The following PLCL1 variants were observed in gnomAD, a reference collection of about 807,000 sequenced individuals.
The protein encoded by PLCL1 is inactive phospholipase C-like protein 1.
In PLCL1, 41 loss-of-function variants were observed where a neutral mutation model predicts 84.4. The ratio of observed to expected loss-of-function variants is 0.49; its 90% confidence interval spans 0.38 to 0.63. PLCL1 has a LOEUF of 0.63. Ranked by LOEUF, PLCL1 falls within the 30% of genes least tolerant of loss-of-function variation. PLCL1 has a pLI of 0.00. For synonymous variants in PLCL1, 490 were observed against 488.3 expected (o/e 1.00, Z -0.05); for missense variants, 1,206 against 1,367.8 (o/e 0.88, Z 1.87).
intron 1 of PLCL1, among the ~76,000 whole-genome samples, chr2:198,056,939 G>A (rs1212434664): frequency 6.6e-6 from 1 of 152,110 alleles, no homozygotes; most frequent in Non-Finnish European, 1.5e-5. Context: ...TTGATTTGGG[G>A]TTTTTGAATA....
At chr2:197,837,206 G>A (rs145590062) in intron 1 of PLCL1, among the ~76,000 whole-genome samples, 2,395 of 152,172 alleles carry the variant, frequency 0.016, 31 homozygotes, top group Non-Finnish European at 0.025. Flanking sequence ...GGTGAAGATG[G>A]GATATCCTAA....
chr2:198,054,426 C>T (rs1692014240), intron 1 of PLCL1, among the ~76,000 whole-genome samples: 2 of 152,178 alleles, frequency 1.3e-5, no homozygotes, highest in East Asian at 1.9e-4. Context: ...ACATCTTAGG[C>T]GACAAGACAA....
At chr2:198,031,226 A>T (rs2105849338) in intron 1 of PLCL1, among the ~76,000 whole-genome samples, 1 of 150,728 alleles carries the variant, frequency 6.6e-6, no homozygotes, top group Non-Finnish European at 1.5e-5. Flanking sequence ...AAAAAAAAAT[A>T]GCCAATAGCT....
rs1419646425 is a variant in PLCL1 at position 198,103,892 on chromosome 2, A to C, written c.3061A>C (p.Asn1021His). 9 of 1,608,118 alleles carry C rather than the reference A, an allele frequency of 5.6e-6. No individual in the cohort carries two copies. Among genetic ancestry groups the C allele is most frequent in the Non-Finnish European group, 6.8e-6 (8 of 1,176,752 alleles). Residue 1021 changes from asparagine (N) to histidine (H), a missense_variant, in exon 5 of 6, where the codon AAC (asparagine) becomes CAC (histidine). Transcript: ENST00000428675. The stretch of plus-strand genomic sequence containing the variant: ...AGAAGGCTTGAAGGGAAGAAAACTC[A>C]ACAAAGCAACTGAGAGCTTTGCTTG... The part of the protein sequence containing the change: ...AKEGLKGRKL[N>H]KATESFAWNI...
rs1690874655 is a variant in PLCL1, at chr2:198,011,805, T to C, written c.241-71953T>C. On this transcript the variant is annotated intron_variant, in intron 1 of 5. Coordinates refer to ENST00000428675, the MANE Select transcript of PLCL1 (RefSeq NM_006226.4). ...TGCTGTAATGTTAAGTACATATCTG[T>C]TTTTTTACTGTTATATCTTCCTGGT... Among the ~76,000 whole-genome samples the C allele has an allele frequency of 2.0e-5, 3 of 152,102 alleles. No individual in the cohort carries two copies. The South Asian group carries it at 6.2e-4, about 31-fold the overall frequency.
intron 1 of PLCL1, among the ~76,000 whole-genome samples, chr2:197,812,450 A>G (rs576283347): frequency 6.6e-6 from 1 of 152,278 alleles, no homozygotes; most frequent in African/African-American, 2.4e-5. Context: ...CCACAACTTC[A>G]CCAACATTTG....
intron 1 of PLCL1, among the ~76,000 whole-genome samples, chr2:197,894,526 T>C (rs17669941): frequency 0.018 from 2,719 of 152,094 alleles, 71 homozygotes; most frequent in Middle Eastern, 0.027. Context: ...TAGCTCATTT[T>C]TTTTTGGGTG....
chr2:198,003,052 G>T (rs1228338387), intron 1 of PLCL1, among the ~76,000 whole-genome samples: 1 of 151,866 alleles, frequency 6.6e-6, no homozygotes, highest in East Asian at 1.9e-4. Context: ...TGGATGTACT[G>T]TCCGCCCTTC....
chr2:198,034,460 G>T (rs1691506251), intron 1 of PLCL1, among the ~76,000 whole-genome samples: 3 of 152,086 alleles, frequency 2.0e-5, no homozygotes, highest in Admixed American at 2.0e-4. Flanking sequence ...CAATAACAAA[G>T]ACCTGGAACC....
intron 1 of PLCL1, among the ~76,000 whole-genome samples, chr2:197,832,280 A>G (rs773159631): frequency 6.6e-5 from 10 of 152,200 alleles, no homozygotes; most frequent in Non-Finnish European, 1.2e-4. Flanking sequence ...AGAAGAAAAG[A>G]GAGAAGAATC....
At chr2:197,962,884 T>A (rs1411179874) in intron 1 of PLCL1, among the ~76,000 whole-genome samples, 6 of 152,122 alleles carry the variant, frequency 3.9e-5, no homozygotes, top group Admixed American at 1.3e-4. Flanking sequence ...GTTCTGCCTA[T>A]GTTTTTGCAA....
At chr2:197,978,164 A>G (rs746037231) in intron 1 of PLCL1, among the ~76,000 whole-genome samples, 1 of 152,248 alleles carries the variant, frequency 6.6e-6, no homozygotes, top group Non-Finnish European at 1.5e-5. Context: ...CAATTTTACC[A>G]TAGGCTGATT....
chr2:197,912,238 A>G (rs993676374), intron 1 of PLCL1, among the ~76,000 whole-genome samples: 1 of 152,076 alleles, frequency 6.6e-6, no homozygotes, highest in Non-Finnish European at 1.5e-5. Flanking sequence ...TCAAAACCAC[A>G]ATGAGATACC....
intron 5 of PLCL1, among the ~76,000 whole-genome samples, chr2:198,110,979 C>G (rs1249954433): frequency 6.6e-6 from 1 of 151,736 alleles, no homozygotes; most frequent in African/African-American, 2.4e-5. Flanking sequence ...TAATAATAAA[C>G]CATCCTTAAT....
chr2:198,024,002 G>A (rs1344537711), intron 1 of PLCL1, among the ~76,000 whole-genome samples: 1 of 152,108 alleles, frequency 6.6e-6, no homozygotes, highest in Non-Finnish European at 1.5e-5. Flanking sequence ...TAACCCAAAT[G>A]CCCATCAATG....
intron 1 of PLCL1, among the ~76,000 whole-genome samples, chr2:197,976,368 CTT>C (rs958990636): frequency 3.9e-5 from 6 of 152,332 alleles, no homozygotes; most frequent in African/African-American, 1.2e-4. Flanking sequence ...CTGCTAAACA[CTT>C]TACCTGGTGT....
intron 1 of PLCL1, among the ~76,000 whole-genome samples, chr2:197,836,762 T>C (rs1004755665): frequency 1.3e-5 from 2 of 152,220 alleles, no homozygotes; most frequent in Admixed American, 1.3e-4. Context: ...TCTCTGTTGC[T>C]CAGGCTGGAG....
At chr2:198,136,639 G>T (rs1342373515) in intron 5 of PLCL1, among the ~76,000 whole-genome samples, 1 of 152,080 alleles carries the variant, frequency 6.6e-6, no homozygotes, top group Non-Finnish European at 1.5e-5. Flanking sequence ...TATGTGGAAG[G>T]CTTGTGGGGG....
intron 1 of PLCL1, among the ~76,000 whole-genome samples, chr2:198,012,671 G>A (rs1389809164): frequency 6.7e-6 from 1 of 150,192 alleles, no homozygotes; most frequent in Non-Finnish European, 1.5e-5. Context: ...TTTTTGTAGT[G>A]ACATGTTTTG....
Sources: gnomAD v4.1 joint callset for allele counts (sites outside exome capture counted in the v4.1 genomes callset) on GRCh38, gnomAD v4.1.1 for gene constraint, MANE v1.5 for transcripts, NCBI Gene and HGNC (gene_info 2026-07-23, HGNC 2026-07-21) for gene names.